Variants in TFEC observed in about 807,000 individuals in gnomAD.
The protein encoded by TFEC is transcription factor EC.
Under a neutral mutation model 41.6 loss-of-function variants are expected in TFEC, and 31 were observed. The ratio of observed to expected loss-of-function variants is 0.74; its 90% CI spans 0.56 to 1.01. The LOEUF is 1.01. Among genes scored for constraint, TFEC ranks in the 50% least tolerant of loss-of-function variants. The pLI is 0.00. For missense variants in TFEC, 402 were observed against 404.1 expected (o/e 0.99, Z 0.04); for synonymous variants, 143 against 140.6 (o/e 1.02, Z -0.12).
chr7:116,098,534 A>G (rs1383833595), intron 3 of TFEC, among the ~76,000 whole-genome samples: 2 of 152,214 alleles, frequency 1.3e-5, no homozygotes, highest in Non-Finnish European at 2.9e-5. Context: ...ATCCTACTGT[A>G]CATGCACCAA....
chr7:115,965,903 T>C (rs1288329280), intron 3 of TFEC, among the ~76,000 whole-genome samples: 1 of 151,660 alleles, frequency 6.6e-6, no homozygotes, highest in South Asian at 2.1e-4. Flanking sequence ...CACTCAGATA[T>C]GACTTTTTTT....
At chr7:116,053,371 G>C (rs1375848388) in intron 3 of TFEC, among the ~76,000 whole-genome samples, 1 of 152,220 alleles carries the variant, frequency 6.6e-6, no homozygotes, top group African/African-American at 2.4e-5. Context: ...GGATTTGAGA[G>C]TGTGAACAAA....
At chr7:116,006,130 C>A (rs889730766) in intron 1 of TFEC, among the ~76,000 whole-genome samples, 1 of 152,198 alleles carries the variant, frequency 6.6e-6, no homozygotes, top group Non-Finnish European at 1.5e-5. Flanking sequence ...TCTGCTAGGG[C>A]AGTACAGAAG....
At chr7:116,041,973 G>A (rs1406652402) in intron 3 of TFEC, among the ~76,000 whole-genome samples, 1 of 151,916 alleles carries the variant, frequency 6.6e-6, no homozygotes, top group Non-Finnish European at 1.5e-5. Flanking sequence ...CTGACAATCT[G>A]ATACAAAGCT....
intron 3 of TFEC, among the ~76,000 whole-genome samples, chr7:116,067,122 G>A (rs1000383420): frequency 1.3e-4 from 19 of 151,958 alleles, no homozygotes; most frequent in African/African-American, 4.6e-4. Flanking sequence ...CCTCATAAAA[G>A]GGAGACTTAG....
chr7:115,968,557 G>A (rs572354989), intron 3 of TFEC, among the ~76,000 whole-genome samples: 3 of 151,918 alleles, frequency 2.0e-5, no homozygotes, highest in African/African-American at 7.2e-5. Flanking sequence ...AAAGAAATGA[G>A]TTACTATGCA....
At chr7:115,952,275 G>T (rs545569701) in intron 5 of TFEC, among the ~76,000 whole-genome samples, 22 of 151,464 alleles carry the variant, frequency 1.5e-4, no homozygotes, top group Non-Finnish European at 2.2e-4. Context: ...TCAAATAACA[G>T]CAAAATGACA....
chr7:116,044,738 C>T (rs1366385211), intron 3 of TFEC, among the ~76,000 whole-genome samples: 1 of 152,230 alleles, frequency 6.6e-6, no homozygotes, highest in Non-Finnish European at 1.5e-5. Context: ...TGACTGCAGG[C>T]ATCTGCCAGC....
In TFEC at chr7:116,043,118, A is replaced by T. The variant is rs115804855; in HGVS notation, c.199-58605T>A. On this transcript the variant is annotated intron_variant, in intron 3 of 8. Coordinates refer to the TFEC transcript ENST00000484212. ...ATCAAAGAACTAGTGGCAACATCTT[A>T]AGGCTTTTATCAAAGTAGTGAGGGA... Among the ~76,000 whole-genome samples, 69 of 152,294 alleles carry T rather than the reference A, an allele frequency of 4.5e-4. 1 individual carries two copies. The highest frequency in any genetic ancestry group is 3.4e-3 in the Middle Eastern group (1 of 294).
At chr7:116,115,435 C>A (rs1346239698) in intron 1 of TFEC, among the ~76,000 whole-genome samples, 4 of 151,904 alleles carry the variant, frequency 2.6e-5, no homozygotes, top group Admixed American at 2.6e-4. Context: ...CACTTTCCTG[C>A]TTTTTTCAGA....
At chr7:116,029,746 T>C (rs778227241) in intron 1 of TFEC, among the ~76,000 whole-genome samples, 1 of 152,068 alleles carries the variant, frequency 6.6e-6, no homozygotes, top group Non-Finnish European at 1.5e-5. Context: ...ATATGTATCT[T>C]AATCTTAAAG....
chr7:115,954,395 A>G (rs1476843072), intron 5 of TFEC, among the ~76,000 whole-genome samples, 191 bp downstream of exon 5: 3 of 152,088 alleles, frequency 2.0e-5, no homozygotes, highest in African/African-American at 7.2e-5. Flanking sequence ...GAGATGTTTC[A>G]TTTTGTGAAA....
chr7:116,047,277 C>G (rs1234609293), intron 3 of TFEC, among the ~76,000 whole-genome samples: 1 of 152,082 alleles, frequency 6.6e-6, no homozygotes. Flanking sequence ...CAGAGGGTAC[C>G]TGGAAAATCG....
At chr7:116,116,158 A>G (rs1797982635) in intron 1 of TFEC, among the ~76,000 whole-genome samples, 1 of 151,998 alleles carries the variant, frequency 6.6e-6, no homozygotes, top group Non-Finnish European at 1.5e-5. Flanking sequence ...TACTCATTAC[A>G]TGGTAGATAG....
intron 1 of TFEC, among the ~76,000 whole-genome samples, chr7:116,004,273 A>G (rs1388782520): frequency 6.6e-6 from 1 of 152,194 alleles, no homozygotes; most frequent in Non-Finnish European, 1.5e-5. Flanking sequence ...GACACAAATT[A>G]TTATCAAAAA....
intron 3 of TFEC, among the ~76,000 whole-genome samples, chr7:116,087,958 A>G (rs760578618): frequency 6.1e-4 from 93 of 152,120 alleles, no homozygotes; most frequent in Non-Finnish European, 3.7e-4. Flanking sequence ...TATTCTTGCC[A>G]TATAACAATC....
chr7:115,942,902 A>G (rs2130210259), intron 6 of TFEC, among the ~76,000 whole-genome samples: 2 of 152,172 alleles, frequency 1.3e-5, no homozygotes, highest in Admixed American at 1.3e-4. Flanking sequence ...TAATTGCTAA[A>G]TGTTAATCAG....
chr7:115,940,840 C>T lies in TFEC; in HGVS notation c.755G>A (p.Ser252Asn), dbSNP rs1436951427. 3 of 1,613,446 alleles carry T rather than the reference C, an allele frequency of 1.9e-6. No homozygotes were observed. The highest frequency in any genetic ancestry group is 2.5e-6 in the Non-Finnish European group (3 of 1,179,596). Residue 252 changes from serine to asparagine, a missense_variant, in exon 8 of 8, where the codon AGC (serine) becomes AAC (asparagine). Physicochemically the swap from Ser to Asn is conservative, Grantham distance 46. Transcript: ENST00000265440. ...GTCTACTGAATTCTGCTCAGGATGG[C>T]TCTGCTGTTTGGTGACATGAGCACC... is the stretch of plus-strand genomic sequence containing the variant. The part of the protein sequence containing the change: ...DLGAHVTKQQ[S>N]HPEQNSVDYC...
intron 1 of TFEC, among the ~76,000 whole-genome samples, chr7:116,013,013 TG>T (rs1452878400): frequency 1.3e-5 from 2 of 152,164 alleles, no homozygotes; most frequent in Middle Eastern, 3.4e-3. Context: ...AGAATATGAT[TG>T]GGGCATTTTA....
Sources: gnomAD v4.1 joint callset for allele counts (sites outside exome capture counted in the v4.1 genomes callset) on GRCh38, gnomAD v4.1.1 for gene constraint, MANE v1.5 for transcripts, NCBI Gene and HGNC (gene_info 2026-07-23, HGNC 2026-07-21) for gene names.